The following HIF3A variants were observed in gnomAD, a reference collection of about 807,000 sequenced individuals.
HIF3A encodes the protein hypoxia inducible factor 3 subunit alpha.
In HIF3A, 41 loss-of-function variants were observed where a neutral mutation model predicts 67.2. The ratio of observed to expected loss-of-function variants is 0.61; its 90% CI spans 0.48 to 0.79. The LOEUF (loss-of-function observed/expected upper bound fraction) is 0.79, where lower values mean the gene tolerates loss of function less well. HIF3A is among the 30% of genes least tolerant of loss of function. HIF3A has a pLI of 0.00. For synonymous variants in HIF3A, 356 were observed against 374.8 expected, an observed-to-expected ratio of 0.95 and a Z score of 0.58; for missense variants, 855 against 898.0, an observed-to-expected ratio of 0.95 and a Z score of 0.61.
At chr19:46,308,917 A>G in intron 5 of HIF3A, 142 bp downstream of exon 5, 2 of 670,372 alleles carry the variant, frequency 3.0e-6, no homozygotes, top group Non-Finnish European at 5.1e-6. Context: ...AGCGGGTCTC[A>G]GGGCATCGAG....
Position 46,334,816 on chromosome 19 carries a change from A to G in HIF3A, c.1831-89A>G, listed in dbSNP as rs540791132. 380 of 1,091,776 alleles carry G rather than the reference A, an allele frequency of 3.5e-4. 1 individual carries two copies. In the African/African-American group the frequency reaches 5.1e-3, roughly 15 times the overall value. 67.6% of individuals were successfully genotyped at this position (1,091,776 alleles called of 1,614,324 possible). ...CCCAATCCTCTGGCCTCAGCCCCCG[A>G]AAGTGCTGGGATTACAGTCACCACT... On this transcript the variant is annotated intron_variant, in intron 13 of 14. Transcript: ENST00000377670.
chr19:46,304,212 T>A, intron 2 of HIF3A, 124 bp downstream of exon 2: 2 of 644,520 alleles, frequency 3.1e-6, no homozygotes. Context: ...CTGGTGTCGT[T>A]TTTTTCGGCG....
At position 46,308,669 on chromosome 19, in the gene HIF3A, C is replaced by G; in HGVS notation, c.455C>G (p.Ser152Cys). The G allele has an allele frequency of 6.2e-7, 1 of 1,602,696 alleles. No individual in the cohort carries two copies. Among genetic ancestry groups the G allele is most frequent in the South Asian group, 1.1e-5 (1 of 89,342 alleles). Residue 152 changes from serine to cysteine, a missense_variant, in exon 5 of 15, where the codon TCC becomes TGC. Physicochemically the swap from Ser to Cys is moderately radical, Grantham distance 112 (BLOSUM62 -1). Coordinates refer to ENST00000377670, the MANE Select transcript of HIF3A (RefSeq NM_152795.4). ...QDALTPQQTL[S>C]RRKVEAPTER... ...TGCCCCCGGGCCTCCCCAGCCCTGT[C>G]CAGGAGGAAGGTGGAGGCCCCCACG...
intron 8 of HIF3A, among the ~76,000 whole-genome samples, chr19:46,319,272 T>C (rs1407951774): frequency 2.0e-5 from 3 of 152,164 alleles, no homozygotes; most frequent in Non-Finnish European, 2.9e-5. Context: ...CCAGCCTAAA[T>C]TGGGATGTTT....
Position 46,338,623 on chromosome 19 carries a change from C to A in HIF3A, c.1913-902C>A, listed in dbSNP as rs577106822. On this transcript the variant is annotated intron_variant, in intron 14 of 14. Coordinates refer to ENST00000377670, the MANE Select transcript of HIF3A (RefSeq NM_152795.4). ...CCAGTACTAGTTATGGTTCAAAACA[C>A]CTTCCATGGATTTACTCATTTATTC... The A allele has an allele frequency of 1.0e-5, 7 of 667,586 alleles. No homozygotes were observed. The South Asian group carries it at 2.4e-4, about 23-fold the overall frequency. 41.4% of individuals were successfully genotyped at this position (667,586 alleles called of 1,614,324 possible).
rs928629390 is a variant in HIF3A, at chr19:46,331,218, C to T, written c.1775C>T (p.Pro592Leu). The T allele has an allele frequency of 2.2e-5, 36 of 1,614,040 alleles. No individual in the cohort carries two copies. Among genetic ancestry groups the T allele is most frequent in the Non-Finnish European group, 3.0e-5 (35 of 1,179,984 alleles). ...GTGGAGCTGCTGGGAGTGAGACCTC[C>T]CAAAAGGTCCCCCAGCCCAGAACAC... ...EGVELLGVRP[P>L]KRSPSPEHEN... is the part of the protein sequence containing the mutation. The change falls in exon 13 of 15, where the codon CCC becomes CTC. Residue 592 changes from proline to leucine, a missense_variant. Coordinates refer to ENST00000377670, the MANE Select transcript of HIF3A (RefSeq NM_152795.4).
intron 1 of HIF3A, chr19:46,298,264 C>G: frequency 2.1e-6 from 1 of 471,008 alleles, no homozygotes; most frequent in Non-Finnish European, 3.6e-6. Flanking sequence ...CTGGGCCTAA[C>G]AAGGAACTCT....
chr19:46,298,490 T>C (rs1968046809), intron 1 of HIF3A: 2 of 1,285,186 alleles, frequency 1.6e-6, no homozygotes, highest in Admixed American at 2.3e-5. Context: ...GGATGGCCCT[T>C]CAGCCAACGG....
intron 12 of HIF3A, among the ~76,000 whole-genome samples, chr19:46,329,754 T>A (rs1227613501): frequency 6.6e-6 from 1 of 152,018 alleles, no homozygotes; most frequent in African/African-American, 2.4e-5. Context: ...TTATATCTGA[T>A]CTGGTGACAA....
chr19:46,297,237 A>C lies in HIF3A; in HGVS notation c.26+135A>C. 1 of 493,230 alleles carries C rather than the reference A, an allele frequency of 2.0e-6. No individual in the cohort carries two copies. Among genetic ancestry groups the C allele is most frequent in the East Asian group, 3.3e-5 (1 of 30,622 alleles). The allele number at this position is 493,230 out of a possible 1,614,324, so 30.6% of individuals were successfully genotyped here. A position where few individuals can be genotyped will look rare whatever the true frequency, so the allele number is the denominator to read the frequency against. On this transcript the variant is annotated intron_variant, in intron 1 of 14. Transcript: ENST00000377670. The surrounding 1 kb of genome is among the most constrained non-coding windows in gnomAD (Gnocchi z 4.5). ...CCCCGGGGCGCGCAGTTGGAGGCAC[A>C]TCCCCACCGCACTCTCCACCCTTAG...
intron 6 of HIF3A, among the ~76,000 whole-genome samples, chr19:46,309,957 G>A (rs1039754907): frequency 5.3e-5 from 8 of 152,224 alleles, no homozygotes; most frequent in Admixed American, 3.9e-4. Context: ...GGGTGCAGTG[G>A]CTCATACCTG....
chr19:46,311,745 C>A (rs1969442715), intron 6 of HIF3A, among the ~76,000 whole-genome samples: 1 of 152,036 alleles, frequency 6.6e-6, no homozygotes, highest in Non-Finnish European at 1.5e-5. Flanking sequence ...CCTGTAGTCC[C>A]AGCTACTCAG....
In HIF3A at chr19:46,341,647, T is replaced by G. The variant is rs1480728337; in HGVS notation, c.*2025T>G. 6.6e-6 allele frequency: 1 copy of G among 151,546 alleles called. No individual in the cohort carries two copies. Among genetic ancestry groups the G allele is most frequent in the Non-Finnish European group, 1.5e-5 (1 of 67,972 alleles). 9.4% of individuals were successfully genotyped at this position (151,546 alleles called of 1,614,324 possible). A position where few individuals can be genotyped will look rare whatever the true frequency, so the allele number is the denominator to read the frequency against. Reference sequence around the variant, plus strand: ...TCTTTTTTCTTCCTCTTCTTTTTTTTTTTTTTCTTTTTTGAGATGGAGTCT... The same window carrying G: ...TCTTTTTTCTTCCTCTTCTTTTTTTGTTTTTTCTTTTTTGAGATGGAGTCT... On this transcript the variant is annotated 3_prime_UTR_variant, in exon 15 of 15. Transcript: ENST00000377670.
At position 46,308,239 on chromosome 19, in the gene HIF3A, A is replaced by G; in HGVS notation, c.382A>G (p.Ser128Gly). 1 of 1,613,844 alleles carries G rather than the reference A, an allele frequency of 6.2e-7. No homozygotes were observed. The highest frequency in any genetic ancestry group is 8.5e-7 in the Non-Finnish European group (1 of 1,179,860). Residue 128 changes from serine (S) to glycine (G), a missense_variant, in exon 4 of 15, where the codon AGC becomes GGC. Physicochemically the swap from Ser to Gly is moderately conservative, Grantham distance 56. Around this residue, in one of 3 missense-constraint regions of HIF3A, gnomAD observed 638 missense variants for 660.5 expected, o/e 0.97. Coordinates refer to ENST00000377670, the MANE Select transcript of HIF3A (RefSeq NM_152795.4). ...CTGGCAGCTGGAGCTCATTGGACAC[A>G]GCATCTTTGATTTCATCCACCCCTG... is the stretch of plus-strand genomic sequence containing the variant. ...GLSQLELIGH[S>G]IFDFIHPCDQ...
rs1185300591 is a variant in HIF3A, at chr19:46,314,626, C to T, written c.1025+1973C>T. ...AGGCTGGAGTGCACTGGCACGATCT[C>T]GGCTCACTTCAACTTCCGCCTCCCG... On this transcript the variant is annotated intron_variant, in intron 8 of 14. Coordinates refer to ENST00000377670, the MANE Select transcript of HIF3A (RefSeq NM_152795.4). Among the ~76,000 whole-genome samples, 13 of 146,856 alleles carry T rather than the reference C, an allele frequency of 8.9e-5. 2 individuals carry two copies. Among genetic ancestry groups the T allele is most frequent in the East Asian group, 4.5e-4 (2 of 4,406 alleles).
intron 9 of HIF3A, among the ~76,000 whole-genome samples, chr19:46,321,281 G>A (rs1201746656): frequency 6.6e-6 from 1 of 152,082 alleles, no homozygotes; most frequent in African/African-American, 2.4e-5. Context: ...ACCACAATCT[G>A]GCCACTGAAG....
intron 8 of HIF3A, 54 bp from the exon 9 acceptor site, chr19:46,320,389 C>T: frequency 7.1e-7 from 1 of 1,417,094 alleles, no homozygotes. Flanking sequence ...GCTTTCTGGG[C>T]TGGAGCCAAG....
At chr19:46,308,024 G>T (rs1385804251) in intron 3 of HIF3A, among the ~76,000 whole-genome samples, 197 bp from the exon 4 acceptor site, 2 of 151,488 alleles carry the variant, frequency 1.3e-5, no homozygotes, top group Non-Finnish European at 2.9e-5. Context: ...ATAGATGAGG[G>T]CCTGGCACTT....
At chr19:46,311,929 G>A (rs1011935525) in intron 6 of HIF3A, 30 of 725,884 alleles carry the variant, frequency 4.1e-5, no homozygotes, top group Non-Finnish European at 5.3e-5. Context: ...CTTTAGCCAC[G>A]TAAGAGACCA....
Sources: gnomAD v4.1 joint callset for allele counts (sites outside exome capture counted in the v4.1 genomes callset) on GRCh38, gnomAD v4.1.1 for gene constraint, gnomAD v4.1.1 regional missense constraint, Gnocchi (gnomAD v3.1) non-coding constraint, MANE v1.5 for transcripts, NCBI Gene and HGNC (gene_info 2026-07-23, HGNC 2026-07-21) for gene names.